SCNN1B: variants seen among roughly 807,000 people sequenced by gnomAD.
The protein encoded by SCNN1B is sodium channel epithelial 1 subunit beta.
Under a neutral mutation model 65.3 loss-of-function variants are expected in SCNN1B, and 46 were observed. That is an observed-to-expected ratio of 0.70 (90% CI 0.56 to 0.90). The LOEUF is 0.90. Among genes scored for constraint, SCNN1B ranks in the 40% least tolerant of loss-of-function variants. The pLI is 0.00. For missense variants in SCNN1B, 751 were observed against 830.5 expected (o/e 0.90, Z 1.18); for synonymous variants, 349 against 330.6 (o/e 1.06, Z -0.60).
At chr16:23,355,971 G>A (rs1351924706) in intron 4 of SCNN1B, among the ~76,000 whole-genome samples, 1 of 152,114 alleles carries the variant, frequency 6.6e-6, no homozygotes, top group Admixed American at 6.6e-5. Context: ...GGAGGAAAAA[G>A]TTAAACAAGG....
At chr16:23,305,042 CCACACCCCA>C (rs1300132125) in intron 1 of SCNN1B, among the ~76,000 whole-genome samples, 7 of 152,068 alleles carry the variant, frequency 4.6e-5, no homozygotes, top group African/African-American at 1.7e-4. Flanking sequence ...GTGACTTCAT[CCACACCCCA>C]AGTACAGACC....
At chr16:23,345,841 G>C (rs1962174392) in intron 1 of SCNN1B, among the ~76,000 whole-genome samples, 1 of 152,198 alleles carries the variant, frequency 6.6e-6, no homozygotes, top group African/African-American at 2.4e-5. Flanking sequence ...CTCTCAGAGG[G>C]GGTGAGGGTC....
chr16:23,365,840 C>A (rs185930793), intron 4 of SCNN1B, among the ~76,000 whole-genome samples: 4 of 152,368 alleles, frequency 2.6e-5, no homozygotes, highest in African/African-American at 9.6e-5. Flanking sequence ...GTTGAGTAAG[C>A]AGCTCAAATC....
rs576867605 is a variant in SCNN1B at position 23,331,934 on chromosome 16, G to A, written c.-8-16658G>A. 6.0e-4 allele frequency among the ~76,000 whole-genome samples: 91 copies of A among 152,284 alleles called. 1 individual carries two copies. The highest frequency in any genetic ancestry group is 5.7e-3 in the Admixed American group (87 of 15,294). ...GCATTATAAGGAAACCCACAGGGCT[G>A]TTTTGTGTGGGGGTGGGTTTTTGCT... On this transcript the variant is annotated intron_variant, in intron 1 of 12. Transcript: ENST00000343070.
intron 3 of SCNN1B, among the ~76,000 whole-genome samples, chr16:23,355,005 T>C (rs1299639060): frequency 1.3e-5 from 2 of 152,066 alleles, no homozygotes; most frequent in African/African-American, 4.8e-5. Flanking sequence ...TGGCTGTGGG[T>C]CACTTCCAAG....
intron 1 of SCNN1B, among the ~76,000 whole-genome samples, chr16:23,305,550 A>AT (rs1555483376): frequency 2.7e-5 from 1 of 36,578 alleles, no homozygotes; most frequent in Non-Finnish European, 4.0e-5. Context: ...ATATATATAT[A>AT]TATATATATA....
intron 2 of SCNN1B, among the ~76,000 whole-genome samples, chr16:23,286,132 T>C (rs1960847303): frequency 1.3e-5 from 2 of 152,216 alleles, no homozygotes; most frequent in African/African-American, 2.4e-5. Flanking sequence ...CTAAAAATAG[T>C]AGTGATAACA....
chr16:23,300,089 GAACAGAA>G (rs1961052115), upstream of SCNN1B, among the ~76,000 whole-genome samples: 1 of 152,126 alleles, frequency 6.6e-6, no homozygotes, highest in Non-Finnish European at 1.5e-5. Context: ...ACTGACACAG[GAACAGAA>G]AACCAAACAC....
At chr16:23,284,192 G>A (rs1372427397) in intron 2 of SCNN1B, among the ~76,000 whole-genome samples, 3 of 152,128 alleles carry the variant, frequency 2.0e-5, no homozygotes, top group Admixed American at 6.6e-5. Flanking sequence ...ATCACCTGAG[G>A]TCAGGAGTTC....
At chr16:23,301,442 GAGAA>G (rs1175350028), upstream of SCNN1B, among the ~76,000 whole-genome samples, 5 of 149,724 alleles carry the variant, frequency 3.3e-5, no homozygotes, top group Non-Finnish European at 7.4e-5. Flanking sequence ...AGAAAGGAAA[GAGAA>G]AGAAAGAAAA....
intron 1 of SCNN1B, among the ~76,000 whole-genome samples, chr16:23,282,585 C>A (rs890499654): frequency 6.6e-6 from 1 of 152,218 alleles, no homozygotes; most frequent in African/African-American, 2.4e-5. Flanking sequence ...GGAGGCATGA[C>A]TCCATTCCAG....
intron 2 of SCNN1B, among the ~76,000 whole-genome samples, chr16:23,284,612 G>A (rs910216353): frequency 2.6e-5 from 4 of 152,096 alleles, no homozygotes; most frequent in Non-Finnish European, 5.9e-5. Context: ...TAAAGTCTGT[G>A]CTCTTAACCC....
intron 1 of SCNN1B, among the ~76,000 whole-genome samples, chr16:23,281,655 T>C (rs1320000452): frequency 1.3e-5 from 2 of 152,122 alleles, no homozygotes; most frequent in African/African-American, 4.8e-5. Context: ...TGGGTACACA[T>C]GGACATACAG....
At position 23,377,248 on chromosome 16, in the gene SCNN1B, C is replaced by A. The variant is rs200714599; in HGVS notation, c.1346+8C>A. 1.3e-5 allele frequency: 21 copies of A among 1,613,912 alleles called. No homozygotes were observed. Among genetic ancestry groups the A allele is most frequent in the Non-Finnish European group, 1.7e-5 (20 of 1,179,942 alleles). ...GTGCAAGGAGTCCTGCAAGTGAGTGCGGGTGGGCGGGCACAGCAGCGGGCA... is the reference window on the plus strand; with the variant it reads ...GTGCAAGGAGTCCTGCAAGTGAGTGAGGGTGGGCGGGCACAGCAGCGGGCA... On this transcript the variant is annotated splice_region_variant and intron_variant, in intron 9 of 12. Transcript: ENST00000343070.
At position 23,380,673 on chromosome 16, in the gene SCNN1B, C is replaced by T. The variant is rs747199065; in HGVS notation, c.1795C>T (p.Pro599Ser). The T allele has an allele frequency of 1.9e-6, 3 of 1,612,674 alleles. No individual in the cohort carries two copies. Among genetic ancestry groups the T allele is most frequent in the Non-Finnish European group, 2.5e-6 (3 of 1,179,530 alleles). The change falls in exon 13 of 13, where the codon CCC becomes TCC. Residue 599 changes from proline to serine, a missense_variant. Pro to Ser is a moderately conservative substitution (Grantham distance 74). Coordinates refer to ENST00000343070, the MANE Select transcript of SCNN1B (RefSeq NM_000336.3). This position sits in a 1 kb window ranked among gnomAD's most constrained non-coding sequence, Gnocchi z 5.4. ...GFQPDTAPRSPNTGPYPSEQA... is the reference protein window; with the variant it reads ...GFQPDTAPRSSNTGPYPSEQA... ...CCAGCCTGACACGGCCCCCCGCAGCCCCAACACTGGGCCCTACCCCAGTGA... is the reference window on the plus strand; with the variant it reads ...CCAGCCTGACACGGCCCCCCGCAGCTCCAACACTGGGCCCTACCCCAGTGA...
intron 1 of SCNN1B, among the ~76,000 whole-genome samples, chr16:23,346,511 C>T (rs1360368143): frequency 3.3e-5 from 5 of 152,058 alleles, no homozygotes; most frequent in Non-Finnish European, 5.9e-5. Flanking sequence ...CATGAGCCAC[C>T]GCACCTGGCT....
rs371686339 is a variant in SCNN1B at position 23,377,229 on chromosome 16, G to A, written c.1335G>A (p.Lys445=). Reference sequence around the variant, plus strand: ...GAGAGACCTGCATTGGCATGTGCAAGGAGTCCTGCAAGTGAGTGCGGGTGG... The same window carrying A: ...GAGAGACCTGCATTGGCATGTGCAAAGAGTCCTGCAAGTGAGTGCGGGTGG... ...AQRETCIGMC[K]ESCNDTQYKM... Residue 445 remains lysine, a synonymous_variant, in exon 9 of 13, where the codon AAG becomes AAA. Coordinates refer to ENST00000343070, the MANE Select transcript of SCNN1B (RefSeq NM_000336.3). 4 of 1,614,236 alleles carry A rather than the reference G, an allele frequency of 2.5e-6. No individual in the cohort carries two copies. The highest frequency in any genetic ancestry group is 1.6e-4 in the Middle Eastern group (1 of 6,062).
chr16:23,380,142 C>T lies in SCNN1B; in HGVS notation c.1515C>T (p.Arg505=). The T allele has an allele frequency of 6.2e-7, 1 of 1,614,062 alleles. No individual in the cohort carries two copies. The highest frequency in any genetic ancestry group is 8.5e-7 in the Non-Finnish European group (1 of 1,179,954). ...TCTACTTCCAAGAATTTAACTATCGCACCATTGAAGAATCAGCAGCCAATA... is the reference window on the plus strand; with the variant it reads ...TCTACTTCCAAGAATTTAACTATCGTACCATTGAAGAATCAGCAGCCAATA... ...LNIYFQEFNY[R]TIEESAANNI... Residue 505 remains arginine, a synonymous_variant, in exon 12 of 13, where the codon CGC becomes CGT. Transcript: ENST00000343070. This position sits in a 1 kb window ranked among gnomAD's most constrained non-coding sequence, Gnocchi z 5.4.
intron 4 of SCNN1B, among the ~76,000 whole-genome samples, chr16:23,364,303 G>C (rs1962606556): frequency 6.6e-6 from 1 of 152,158 alleles, no homozygotes; most frequent in South Asian, 2.1e-4. Flanking sequence ...GGGGTTCAGG[G>C]AGGCCTCAGA....
Sources: gnomAD v4.1 joint callset for allele counts (sites outside exome capture counted in the v4.1 genomes callset) on GRCh38, gnomAD v4.1.1 for gene constraint, Gnocchi (gnomAD v3.1) non-coding constraint, MANE v1.5 for transcripts, NCBI Gene and HGNC (gene_info 2026-07-23, HGNC 2026-07-21) for gene names.